LIMD1: variants seen among roughly 807,000 people sequenced by gnomAD.
LIMD1 encodes LIM domain-containing protein 1.
LIMD1 carries 23 observed loss-of-function variants against 58.4 expected under a neutral mutation model. The ratio of observed to expected loss-of-function variants is 0.39; its 90% CI spans 0.28 to 0.56. The LOEUF (loss-of-function observed/expected upper bound fraction) is 0.56, where lower values mean the gene tolerates loss of function less well. LIMD1 is among the 20% of genes least tolerant of loss of function. The probability of loss-of-function intolerance (pLI) is 0.57; values close to 1 mark genes in which losing one functional copy is unlikely to be tolerated. For missense variants in LIMD1, 838 were observed against 855.5 expected (o/e 0.98, Z 0.25); for synonymous variants, 334 against 345.5 (o/e 0.97, Z 0.37).
At chr3:45,643,880 G>A (rs866117645) in intron 2 of LIMD1, among the ~76,000 whole-genome samples, 15 of 152,226 alleles carry the variant, frequency 9.9e-5, no homozygotes, top group African/African-American at 2.9e-4. Flanking sequence ...TTGCAGTGGT[G>A]TAACCTACTG....
chr3:45,651,881 C>T (rs1337863714), intron 2 of LIMD1, among the ~76,000 whole-genome samples: 2 of 151,992 alleles, frequency 1.3e-5, no homozygotes, highest in Non-Finnish European at 2.9e-5. Context: ...ATCCACCTGC[C>T]TCGGCCTCCC....
chr3:45,594,898 C>A lies in LIMD1; in HGVS notation c.19C>A (p.Leu7Met), dbSNP rs772815162. 2.5e-6 allele frequency: 4 copies of A among 1,609,802 alleles called. No individual in the cohort carries two copies. The highest frequency in any genetic ancestry group is 2.5e-6 in the Non-Finnish European group (3 of 1,178,986). The change falls in exon 1 of 8, where the codon CTG becomes ATG. Residue 7 changes from leucine to methionine, a missense_variant. Around this residue, in one of 3 missense-constraint regions of LIMD1, gnomAD observed 659 missense variants for 639.8 expected, o/e 1.03. Coordinates refer to ENST00000273317, the MANE Select transcript of LIMD1 (RefSeq NM_014240.3). ...CTGCAGCATGGATAAGTATGACGAC[C>A]TGGGCCTGGAGGCCAGTAAATTCAT... MDKYDD[L>M]GLEASKFIED...
intron 2 of LIMD1, among the ~76,000 whole-genome samples, chr3:45,650,861 G>A (rs1701963922): frequency 6.6e-6 from 1 of 151,892 alleles, no homozygotes; most frequent in Non-Finnish European, 1.5e-5. Context: ...CCAGTAATGG[G>A]ATGGCTGGGT....
At chr3:45,607,361 G>A (rs1157629933) in intron 1 of LIMD1, among the ~76,000 whole-genome samples, 1 of 152,092 alleles carries the variant, frequency 6.6e-6, no homozygotes, top group East Asian at 1.9e-4. Flanking sequence ...GGGATCCACA[G>A]CCAGGTTATT....
At chr3:45,671,959 G>T (rs1697590676) in intron 4 of LIMD1, among the ~76,000 whole-genome samples, 1 of 152,098 alleles carries the variant, frequency 6.6e-6, no homozygotes, top group South Asian at 2.1e-4. Context: ...CCATGTCTTG[G>T]GTCTGTCCTG....
chr3:45,604,099 A>T (rs911664656), intron 1 of LIMD1, among the ~76,000 whole-genome samples: 1 of 152,232 alleles, frequency 6.6e-6, no homozygotes, highest in Non-Finnish European at 1.5e-5. Flanking sequence ...GTAAAAACAC[A>T]TTATGGCATG....
chr3:45,674,111 T>C (rs555078962), intron 6 of LIMD1, among the ~76,000 whole-genome samples: 7 of 152,298 alleles, frequency 4.6e-5, no homozygotes, highest in African/African-American at 1.7e-4. Context: ...GGTCTTTCTT[T>C]CAGTGTTAAC....
chr3:45,656,841 C>A (rs575376001), intron 2 of LIMD1, among the ~76,000 whole-genome samples: 2 of 152,202 alleles, frequency 1.3e-5, no homozygotes, highest in Non-Finnish European at 2.9e-5. Context: ...ACTGCCCAAA[C>A]GTCAGGGCAC....
chr3:45,608,675 A>T (rs1701491368), intron 1 of LIMD1, among the ~76,000 whole-genome samples: 2 of 152,064 alleles, frequency 1.3e-5, no homozygotes, highest in South Asian at 4.1e-4. Context: ...CCCTGTCTGT[A>T]CTAAAAATAC....
At chr3:45,646,821 G>A (rs994040359) in intron 2 of LIMD1, among the ~76,000 whole-genome samples, 1 of 151,380 alleles carries the variant, frequency 6.6e-6, no homozygotes, top group Non-Finnish European at 1.5e-5. Flanking sequence ...TTAGTCCCCT[G>A]GCTAATTTTT....
intron 1 of LIMD1, among the ~76,000 whole-genome samples, chr3:45,613,352 C>T (rs905725701): frequency 6.6e-6 from 1 of 152,210 alleles, no homozygotes; most frequent in Admixed American, 6.5e-5. Context: ...CTGCCAGAAG[C>T]AGTGGTTCAG....
At chr3:45,626,719 G>A (rs539566098) in intron 1 of LIMD1, among the ~76,000 whole-genome samples, 23 of 152,162 alleles carry the variant, frequency 1.5e-4, no homozygotes, top group African/African-American at 5.1e-4. Flanking sequence ...ACCCACACAT[G>A]AACTGTGGAC....
intron 2 of LIMD1, among the ~76,000 whole-genome samples, chr3:45,650,069 C>T (rs1446484239): frequency 6.6e-6 from 1 of 151,738 alleles, no homozygotes; most frequent in Non-Finnish European, 1.5e-5. Flanking sequence ...AGTCAGTCTT[C>T]ATCAAATCTA....
chr3:45,595,500 G>T lies in LIMD1; in HGVS notation c.621G>T (p.Gly207=). The T allele has an allele frequency of 4.3e-6, 7 of 1,614,016 alleles. No individual in the cohort carries two copies. Among genetic ancestry groups the T allele is most frequent in the Non-Finnish European group, 5.9e-6 (7 of 1,179,986 alleles). Residue 207 remains glycine, a synonymous_variant, in exon 1 of 8, where the codon GGG becomes GGT. Transcript: ENST00000273317. ...SPSIGLSVGS[G]WPSSPGSDPP... ...GCATCGGCCTGAGTGTAGGGAGTGG[G>T]TGGCCTAGCTCCCCGGGGAGTGACC... is the stretch of plus-strand genomic sequence containing the variant.
intron 5 of LIMD1, 109 bp downstream of exon 5, chr3:45,672,929 A>C: frequency 1.5e-6 from 2 of 1,331,008 alleles, no homozygotes; most frequent in Non-Finnish European, 2.1e-6. Context: ...CCCTTAGATC[A>C]CAGTCCAGCA....
chr3:45,615,980 C>G (rs546506493), intron 1 of LIMD1, among the ~76,000 whole-genome samples: 1 of 152,040 alleles, frequency 6.6e-6, no homozygotes, highest in Admixed American at 6.6e-5. Flanking sequence ...TATTTTGGGG[C>G]GGCATCTTCA....
intron 7 of LIMD1, among the ~76,000 whole-genome samples, chr3:45,675,868 A>ATG (rs1469733679): frequency 6.6e-6 from 1 of 152,092 alleles, no homozygotes; most frequent in African/African-American, 2.4e-5. Flanking sequence ...TTAGCCAGGC[A>ATG]TGCTGTGCCT....
At chr3:45,670,735 G>C (rs1697577336) in intron 4 of LIMD1, among the ~76,000 whole-genome samples, 1 of 152,362 alleles carries the variant, frequency 6.6e-6, no homozygotes, top group East Asian at 1.9e-4. Context: ...GGGGGAAATA[G>C]TCCCCATCTC....
chr3:45,602,100 G>A (rs542619382), intron 1 of LIMD1, among the ~76,000 whole-genome samples: 8 of 152,152 alleles, frequency 5.3e-5, no homozygotes, highest in South Asian at 4.1e-4. Flanking sequence ...CCGCCACCAC[G>A]CCCAGCTAAT....
Sources: gnomAD v4.1 joint callset for allele counts (sites outside exome capture counted in the v4.1 genomes callset) on GRCh38, gnomAD v4.1.1 for gene constraint, gnomAD v4.1.1 regional missense constraint, MANE v1.5 for transcripts, NCBI Gene and HGNC (gene_info 2026-07-23, HGNC 2026-07-21) for gene names.